Variants in MFSD11 observed in about 807,000 individuals in gnomAD.
The protein encoded by MFSD11 is UNC93-like protein MFSD11.
A neutral mutation model predicts 53.5 loss-of-function variants in MFSD11; 36 were observed. That is an observed-to-expected ratio of 0.67 (90% CI 0.52 to 0.89). MFSD11 has a LOEUF of 0.89. Among genes scored for constraint, MFSD11 ranks in the 40% least tolerant of loss-of-function variants. MFSD11 has a pLI of 0.00. For synonymous variants in MFSD11, 186 were observed against 184.9 expected, an observed-to-expected ratio of 1.01 and a Z score of -0.05; for missense variants, 530 against 543.9, an observed-to-expected ratio of 0.97 and a Z score of 0.25.
chr17:76,737,319 C>A, upstream of MFSD11: 17 of 1,061,882 alleles, frequency 1.6e-5, no homozygotes, highest in Non-Finnish European at 2.2e-5. Context: ...GCTAGCGCAC[C>A]TGAGTAACAA....
At position 76,767,376 on chromosome 17, in the gene MFSD11, G is replaced by T. The variant is rs752250028; in HGVS notation, c.683-10G>T. ...TCTAATTAAGTACTCTTAAATTTTTGTGTTTACAGAAAAGTCTTTTAAGTT... is the reference window on the plus strand; with the variant it reads ...TCTAATTAAGTACTCTTAAATTTTTTTGTTTACAGAAAAGTCTTTTAAGTT... On this transcript the variant is annotated splice_polypyrimidine_tract_variant and intron_variant, in intron 8 of 12. Transcript: ENST00000685175. The T allele has an allele frequency of 6.4e-7, 1 of 1,560,758 alleles. No homozygotes were observed. The highest frequency in any genetic ancestry group is 8.8e-7 in the Non-Finnish European group (1 of 1,137,362).
At chr17:76,802,057 T>A in the MFSD11 span, among the ~76,000 whole-genome samples, 2 of 151,900 alleles carry the variant, frequency 1.3e-5, no homozygotes, top group Admixed American at 1.3e-4. Context: ...TCACTTTAGG[T>A]CAGGAGTTCA....
intron 10 of MFSD11, among the ~76,000 whole-genome samples, chr17:76,773,796 C>G (rs779196328): frequency 6.6e-6 from 1 of 152,194 alleles, no homozygotes; most frequent in Admixed American, 6.5e-5. Flanking sequence ...TTAGTAGAGA[C>G]AGGGTTTCAC....
the MFSD11 span, among the ~76,000 whole-genome samples, chr17:76,799,954 C>CTTTT: frequency 1.2e-3 from 106 of 87,284 alleles, no homozygotes; most frequent in African/African-American, 4.1e-3. Flanking sequence ...TTTTCTTTTT[C>CTTTT]CTTTTTTTTT....
chr17:76,796,388 T>C, the MFSD11 span, among the ~76,000 whole-genome samples: 1 of 152,190 alleles, frequency 6.6e-6, no homozygotes, highest in Admixed American at 6.6e-5. Context: ...ATATTAACTC[T>C]TGGGGGGAAG....
At chr17:76,750,870 C>G (rs1449788917) in intron 7 of MFSD11, among the ~76,000 whole-genome samples, 1 of 149,924 alleles carries the variant, frequency 6.7e-6, no homozygotes, top group Non-Finnish European at 1.5e-5. Flanking sequence ...GTGACACGGT[C>G]TAGGCTCACT....
chr17:76,760,277 CAA>C (rs549267564), intron 8 of MFSD11, among the ~76,000 whole-genome samples: 38 of 92,536 alleles, frequency 4.1e-4, no homozygotes, highest in Admixed American at 5.8e-4. Context: ...AACTCTGTCT[CAA>C]AAAAAAAAAA....
chr17:76,779,532 T>C (rs903038780), downstream of MFSD11, among the ~76,000 whole-genome samples: 3 of 152,154 alleles, frequency 2.0e-5, no homozygotes, highest in African/African-American at 7.2e-5. Context: ...TCGCCTAGGC[T>C]AGAGTGCAGT....
intron 7 of MFSD11, among the ~76,000 whole-genome samples, chr17:76,746,675 T>G (rs2078571518): frequency 6.6e-6 from 1 of 152,188 alleles, no homozygotes; most frequent in African/African-American, 2.4e-5. Context: ...GCTCTAGAAA[T>G]GCAGTGACAA....
At chr17:76,744,250 G>A in intron 6 of MFSD11, 72 bp from the exon 7 acceptor site, 5 of 1,452,638 alleles carry the variant, frequency 3.4e-6, no homozygotes, top group Non-Finnish European at 4.6e-6. Flanking sequence ...GTTGTAAGCA[G>A]CCCTTGTACC....
rs1004592377 is a variant in MFSD11 at position 76,776,070 on chromosome 17, C to T, written c.1050-336C>T. Among the ~76,000 whole-genome samples, 30 of 152,150 alleles carry T rather than the reference C, an allele frequency of 2.0e-4. No individual in the cohort carries two copies. Among genetic ancestry groups the T allele is most frequent in the Admixed American group, 1.8e-3 (28 of 15,270 alleles). On this transcript the variant is annotated intron_variant, in intron 11 of 12. Transcript: ENST00000685175. This position sits in a 1 kb window ranked among gnomAD's most constrained non-coding sequence, Gnocchi z 4.2. ...CTCCGCTCACTGCAACCTCCACCTC[C>T]GGGGTTCAAGTGATTCTCGTGTCTC...
At chr17:76,777,145 G>C (rs1267805611) in intron 12 of MFSD11, among the ~76,000 whole-genome samples, 1 of 152,104 alleles carries the variant, frequency 6.6e-6, no homozygotes, top group South Asian at 2.1e-4. Context: ...GCACGTGCCT[G>C]TAGTCCCAGC....
chr17:76,801,553 TCTC>T, the MFSD11 span, among the ~76,000 whole-genome samples: 1 of 151,196 alleles, frequency 6.6e-6, no homozygotes, highest in South Asian at 2.1e-4. Context: ...TTCAAGCAAT[TCTC>T]CTACCTCAGG....
the MFSD11 span, among the ~76,000 whole-genome samples, chr17:76,801,028 G>A: frequency 6.6e-6 from 1 of 151,664 alleles, no homozygotes; most frequent in Non-Finnish European, 1.5e-5. Flanking sequence ...AGTGAGCCGA[G>A]ATGGCACACT....
At position 76,755,239 on chromosome 17, in the gene MFSD11, A is replaced by G. The variant is rs11657277; in HGVS notation, c.682+1152A>G. The stretch of plus-strand genomic sequence containing the variant: ...AAAAAAAAAAAAAATTAAATAATTT[A>G]CCCAAGATCAACCAGTTAGTAGGTG... On this transcript the variant is annotated intron_variant, in intron 8 of 12. Coordinates refer to ENST00000685175, the MANE Select transcript of MFSD11 (RefSeq NM_001242532.5). Among the ~76,000 whole-genome samples the G allele has an allele frequency of 1.9e-3, 286 of 152,122 alleles. 1 individual carries two copies. The highest frequency in any genetic ancestry group is 5.0e-3 in the Admixed American group (77 of 15,250).
In MFSD11 at chr17:76,769,876, G is replaced by A; in HGVS notation, c.874+5G>A. On this transcript the variant is annotated splice_donor_5th_base_variant and intron_variant, in intron 10 of 12. Transcript: ENST00000685175. ...TCGGCATTGGAGAAATTTTAGGTTG[G>A]TTTTAAAAAAAAGCGTTTGCATTAA... The A allele has an allele frequency of 6.2e-7, 1 of 1,600,478 alleles. No individual in the cohort carries two copies. Among genetic ancestry groups the A allele is most frequent in the Non-Finnish European group, 8.5e-7 (1 of 1,176,854 alleles).
At chr17:76,742,116 G>A (rs1365793408) in intron 4 of MFSD11, 61 bp from the exon 5 acceptor site, 2 of 1,613,676 alleles carry the variant, frequency 1.2e-6, no homozygotes, top group South Asian at 1.1e-5. Context: ...TTATTTATGT[G>A]TTTAGTATGT....
At chr17:76,794,395 T>C in the MFSD11 span, among the ~76,000 whole-genome samples, 7 of 150,226 alleles carry the variant, frequency 4.7e-5, no homozygotes, top group East Asian at 1.4e-3. Context: ...GAGAATTGCT[T>C]GAACCCAGGA....
chr17:76,750,866 C>T (rs1001082877), intron 7 of MFSD11, among the ~76,000 whole-genome samples: 6 of 150,262 alleles, frequency 4.0e-5, no homozygotes, highest in Admixed American at 2.0e-4. Flanking sequence ...TGCAGTGACA[C>T]GGTCTAGGCT....
Sources: allele counts gnomAD v4.1 joint callset (sites outside exome capture counted in the v4.1 genomes callset), GRCh38; gene constraint gnomAD v4.1.1; non-coding constraint Gnocchi (gnomAD v3.1); transcripts MANE v1.5; gene names NCBI Gene and HGNC (gene_info 2026-07-23, HGNC 2026-07-21).